TAFA2: variants seen among roughly 807,000 people sequenced by gnomAD.
The protein encoded by TAFA2 is chemokine-like protein TAFA-2.
TAFA2 carries 7 observed loss-of-function variants against 18.8 expected under a neutral mutation model. The observed-to-expected ratio is 0.37, with a 90% CI of 0.21 to 0.70. The LOEUF is 0.70. Among genes scored for constraint, TAFA2 ranks in the 30% least tolerant of loss-of-function variants. The probability of loss-of-function intolerance (pLI) is 0.53; values close to 1 mark genes in which losing one functional copy is unlikely to be tolerated. For missense variants in TAFA2, 122 were observed against 158.1 expected, an observed-to-expected ratio of 0.77 and a Z score of 1.23; for synonymous variants, 60 against 54.2, an observed-to-expected ratio of 1.11 and a Z score of -0.47.
rs149420812 is a variant in TAFA2 at position 61,748,199 on chromosome 12, A to G, written c.384+5423T>C. On this transcript the variant is annotated intron_variant, in intron 4 of 4. Coordinates refer to ENST00000416284, the MANE Select transcript of TAFA2 (RefSeq NM_178539.5). ...TAATAAAATCAAAACATTATAATGC[A>G]ACCTTAATTTTAATGTAGCATACAT... 5.3e-5 allele frequency among the ~76,000 whole-genome samples: 8 copies of G among 152,274 alleles called. No homozygotes were observed. In the East Asian group the frequency reaches 1.6e-3, roughly 30 times the overall value.
At chr12:61,915,740 G>A (rs1271551084) in intron 1 of TAFA2, among the ~76,000 whole-genome samples, 1 of 152,154 alleles carries the variant, frequency 6.6e-6, no homozygotes, top group African/African-American at 2.4e-5. Context: ...GATGTCTGAG[G>A]AGATGGATGT....
intron 2 of TAFA2, among the ~76,000 whole-genome samples, chr12:61,821,128 T>TACACAC (rs3034059): frequency 0.026 from 3,802 of 146,532 alleles, 71 homozygotes; most frequent in African/African-American, 0.064. Context: ...TTGATAGGGG[T>TACACAC]ACACACACAC....
At chr12:61,747,560 T>C (rs1214229718) in intron 4 of TAFA2, among the ~76,000 whole-genome samples, 2 of 150,512 alleles carry the variant, frequency 1.3e-5, no homozygotes, top group African/African-American at 4.9e-5. Context: ...TTCATGTCCT[T>C]TGTAGGGACA....
intron 1 of TAFA2, among the ~76,000 whole-genome samples, chr12:62,143,620 C>G (rs1194776922): frequency 6.6e-6 from 1 of 152,146 alleles, no homozygotes; most frequent in Non-Finnish European, 1.5e-5. Flanking sequence ...AGCCCACAAC[C>G]TGAGCAGCTT....
chr12:61,796,528 T>C (rs1018473837), intron 2 of TAFA2, among the ~76,000 whole-genome samples: 1 of 152,058 alleles, frequency 6.6e-6, no homozygotes, highest in African/African-American at 2.4e-5. Context: ...TGCCCGTGAA[T>C]TGGGAACTAG....
intron 2 of TAFA2, among the ~76,000 whole-genome samples, chr12:61,822,149 T>G (rs554177793): frequency 3.3e-4 from 51 of 152,264 alleles, no homozygotes; most frequent in African/African-American, 1.2e-3. Context: ...AATTAATTTA[T>G]GTACTAATTC....
Position 62,108,042 on chromosome 12 carries a change from G to T in TAFA2, c.-2+83217C>A, listed in dbSNP as rs561008988. Among the ~76,000 whole-genome samples the T allele has an allele frequency of 3.5e-4, 53 of 152,080 alleles. 1 individual carries two copies. The highest frequency in any genetic ancestry group is 1.2e-3 in the African/African-American group (51 of 41,470). On this transcript the variant is annotated intron_variant, in intron 1 of 4. Transcript: ENST00000416284. ...TGGGATACATGTGCAGAACGTGCAG[G>T]TTTCTTACGTAGGTATACACGTGCC...
chr12:62,161,183 C>T (rs2062404743), intron 1 of TAFA2, among the ~76,000 whole-genome samples: 1 of 152,140 alleles, frequency 6.6e-6, no homozygotes, highest in South Asian at 2.1e-4. Context: ...AATGCCATCA[C>T]TCACTGATTC....
intron 4 of TAFA2, among the ~76,000 whole-genome samples, chr12:61,752,031 T>C (rs1308033461): frequency 6.6e-6 from 1 of 152,036 alleles, no homozygotes; most frequent in African/African-American, 2.4e-5. Context: ...AAAGTACAGG[T>C]TAAAAGATTG....
chr12:62,175,872 A>G (rs896007445), intron 1 of TAFA2, among the ~76,000 whole-genome samples: 9 of 21,038 alleles, frequency 4.3e-4, no homozygotes, highest in African/African-American at 2.7e-3. Context: ...CATATTATAT[A>G]TATATATATA....
intron 1 of TAFA2, among the ~76,000 whole-genome samples, chr12:61,996,862 T>C (rs1051978145): frequency 5.3e-5 from 8 of 152,178 alleles, no homozygotes; most frequent in Admixed American, 5.2e-4. Context: ...AAACAAAATT[T>C]CTGAATCCAA....
intron 1 of TAFA2, among the ~76,000 whole-genome samples, chr12:61,925,399 G>A (rs1196057320): frequency 2.0e-5 from 3 of 152,160 alleles, no homozygotes; most frequent in Admixed American, 6.5e-5. Flanking sequence ...CCAAACCACA[G>A]TGCAATCAAA....
intron 2 of TAFA2, among the ~76,000 whole-genome samples, chr12:61,786,242 CAGG>C (rs773153381): frequency 2.0e-5 from 3 of 151,562 alleles, no homozygotes; most frequent in Non-Finnish European, 4.4e-5. Context: ...GCTCTTACCT[CAGG>C]AGTAGGGGAT....
intron 1 of TAFA2, among the ~76,000 whole-genome samples, chr12:61,974,567 A>G (rs906068462): frequency 6.6e-6 from 1 of 151,842 alleles, no homozygotes; most frequent in Non-Finnish European, 1.5e-5. Flanking sequence ...CAGATTTTAT[A>G]AAGTATAATT....
At chr12:62,112,503 C>T (rs1361709022) in intron 1 of TAFA2, among the ~76,000 whole-genome samples, 2 of 152,034 alleles carry the variant, frequency 1.3e-5, no homozygotes, top group Non-Finnish European at 2.9e-5. Flanking sequence ...TTGTGGTGTT[C>T]TCTGTATTTC....
chr12:61,882,133 A>G (rs1468898361), intron 1 of TAFA2, among the ~76,000 whole-genome samples: 2 of 152,188 alleles, frequency 1.3e-5, no homozygotes, highest in African/African-American at 4.8e-5. Context: ...ACTGCCTTCC[A>G]TGGGAGAATC....
At chr12:62,141,411 T>C (rs1371909121) in intron 1 of TAFA2, among the ~76,000 whole-genome samples, 1 of 152,168 alleles carries the variant, frequency 6.6e-6, no homozygotes, top group Non-Finnish European at 1.5e-5. Context: ...GCACCGTTGG[T>C]CAGGCTCTCC....
At chr12:61,884,661 T>A (rs956901169) in intron 1 of TAFA2, among the ~76,000 whole-genome samples, 1 of 152,134 alleles carries the variant, frequency 6.6e-6, no homozygotes, top group Admixed American at 6.5e-5. Flanking sequence ...TCACTATACA[T>A]TTATGAATCA....
At chr12:62,099,388 T>G (rs960127105) in intron 1 of TAFA2, among the ~76,000 whole-genome samples, 1 of 152,142 alleles carries the variant, frequency 6.6e-6, no homozygotes, top group Non-Finnish European at 1.5e-5. Context: ...AATTTATCTT[T>G]CCTTCTTCAT....
Sources: allele counts gnomAD v4.1 joint callset (sites outside exome capture counted in the v4.1 genomes callset), GRCh38; gene constraint gnomAD v4.1.1; transcripts MANE v1.5; gene names NCBI Gene and HGNC (gene_info 2026-07-23, HGNC 2026-07-21).